The following PCDH15 variants were observed in gnomAD, a reference collection of about 807,000 sequenced individuals.
The protein encoded by PCDH15 is protocadherin-15.
In PCDH15, 129 loss-of-function variants were observed where a neutral mutation model predicts 178.5. The observed-to-expected ratio is 0.72, with a 90% confidence interval of 0.63 to 0.84. The LOEUF (loss-of-function observed/expected upper bound fraction) is 0.84. Among genes scored for constraint, PCDH15 ranks in the 40% least tolerant of loss-of-function variants. PCDH15 has a pLI of 0.00. For synonymous variants in PCDH15, 800 were observed against 732.0 expected (o/e 1.09, Z -1.50); for missense variants, 2,230 against 2,099.9 (o/e 1.06, Z -1.21).
chr10:55,519,648 A>C, intron 2 of PCDH15, among the ~76,000 whole-genome samples: 1 of 152,068 alleles, frequency 6.6e-6, no homozygotes, highest in East Asian at 1.9e-4. Flanking sequence ...AAAAAATAAA[A>C]GTACATTTAT....
At chr10:54,574,564 G>A (rs10430478) in intron 2 of PCDH15, among the ~76,000 whole-genome samples, 65,431 of 144,008 alleles carry the variant, frequency 0.45, 15,396 homozygotes, top group East Asian at 0.76. Flanking sequence ...CATCATCACT[G>A]GCCATCAGAG....
In PCDH15 at chr10:55,599,866, T is replaced by C. The variant is rs557581243; in HGVS notation, c.-156+27759A>G. 8.6e-6 allele frequency: 12 copies of C among 1,394,962 alleles called. No individual in the cohort carries two copies. In the East Asian group the frequency reaches 3.1e-4, roughly 36 times the overall value. The allele number at this position is 1,394,962 out of a possible 1,614,324, so 86.4% of individuals were successfully genotyped here. Reference sequence around the variant, plus strand: ...GTATCCTGAACTTGCAAAGGTAGCATAATCACTTGTTCCCTAAGTAGGGAC... The same window carrying C: ...GTATCCTGAACTTGCAAAGGTAGCACAATCACTTGTTCCCTAAGTAGGGAC... On this transcript the variant is annotated intron_variant, in intron 2 of 5. Transcript: ENST00000613346.
At chr10:54,958,613 A>C (rs1358442056) in intron 2 of PCDH15, among the ~76,000 whole-genome samples, 1 of 151,892 alleles carries the variant, frequency 6.6e-6, no homozygotes, top group East Asian at 1.9e-4. Context: ...AGCTGAAGAA[A>C]ACAATTATAT....
chr10:55,340,720 T>TC (rs1418850093), intron 2 of PCDH15, among the ~76,000 whole-genome samples: 1 of 152,080 alleles, frequency 6.6e-6, no homozygotes, highest in Admixed American at 6.6e-5. Context: ...AAATATTTTA[T>TC]ATTTTATTAA....
intron 1 of PCDH15, among the ~76,000 whole-genome samples, chr10:55,185,864 A>T (rs1045366522): frequency 6.6e-6 from 1 of 151,746 alleles, no homozygotes; most frequent in African/African-American, 2.4e-5. Flanking sequence ...TACCTGTAAA[A>T]CTGTTTGGAT....
intron 32 of PCDH15, chr10:53,821,528 A>ATGAT (rs1588921843): frequency 9.3e-7 from 1 of 1,070,218 alleles, no homozygotes; most frequent in East Asian, 7.1e-5. Flanking sequence ...CTGCATCCAC[A>ATGAT]TGATAGACAT....
chr10:54,586,727 C>T (rs1436369103), intron 2 of PCDH15, among the ~76,000 whole-genome samples: 1 of 152,148 alleles, frequency 6.6e-6, no homozygotes, highest in East Asian at 1.9e-4. Context: ...TTACCCAGCT[C>T]AAGCGATTCT....
chr10:54,683,634 AG>A (rs1459258327), intron 1 of PCDH15, among the ~76,000 whole-genome samples: 2 of 152,136 alleles, frequency 1.3e-5, no homozygotes, highest in Non-Finnish European at 2.9e-5. Flanking sequence ...ATTGGACAGA[AG>A]CTGAGCATGA....
intron 1 of PCDH15, among the ~76,000 whole-genome samples, chr10:55,201,982 T>A (rs571994394): frequency 6.6e-6 from 1 of 152,274 alleles, no homozygotes; most frequent in Non-Finnish European, 1.5e-5. Flanking sequence ...GATAAACTGC[T>A]TGTAGTAATT....
intron 17 of PCDH15, among the ~76,000 whole-genome samples, chr10:54,067,487 T>C (rs11004030): frequency 0.21 from 32,026 of 151,986 alleles, 3,551 homozygotes; most frequent in Non-Finnish European, 0.25. Context: ...CTACCAGTAG[T>C]GTGTGCTACC....
intron 3 of PCDH15, among the ~76,000 whole-genome samples, chr10:54,841,008 G>A (rs928949081): frequency 6.6e-5 from 10 of 151,828 alleles, no homozygotes; most frequent in Admixed American, 5.3e-4. Context: ...TTTCCATACT[G>A]GATAGATCAT....
At chr10:55,174,263 A>G (rs1015702200) in intron 1 of PCDH15, among the ~76,000 whole-genome samples, 5 of 152,162 alleles carry the variant, frequency 3.3e-5, no homozygotes, top group Non-Finnish European at 7.4e-5. Context: ...CTAGGCAGAA[A>G]GGACTCAGGG....
At chr10:53,827,639 C>T in intron 31 of PCDH15, 91 bp from the exon 32 acceptor site, 1 of 1,420,552 alleles carries the variant, frequency 7.0e-7, no homozygotes. Flanking sequence ...GTCCAGTTAT[C>T]AGGGGAACCC....
intron 5 of PCDH15, among the ~76,000 whole-genome samples, chr10:54,357,705 A>G (rs1203655301): frequency 1.3e-5 from 2 of 152,216 alleles, no homozygotes; most frequent in East Asian, 1.9e-4. Flanking sequence ...TGCATCGCCA[A>G]GTCAATCCTA....
chr10:54,485,474 A>G (rs566063087), intron 3 of PCDH15, among the ~76,000 whole-genome samples: 3 of 152,122 alleles, frequency 2.0e-5, no homozygotes, highest in African/African-American at 7.2e-5. Flanking sequence ...AGAGCAAAGT[A>G]TAATTGCATA....
chr10:54,611,412 T>C (rs970153036), intron 2 of PCDH15, among the ~76,000 whole-genome samples: 2 of 151,886 alleles, frequency 1.3e-5, no homozygotes, highest in East Asian at 1.9e-4. Context: ...TGTTAGCATG[T>C]GCTGTAAAAA....
At chr10:54,107,710 C>T (rs2094942162) in intron 15 of PCDH15, among the ~76,000 whole-genome samples, 1 of 152,048 alleles carries the variant, frequency 6.6e-6, no homozygotes, top group South Asian at 2.1e-4. Context: ...TGATATCAGG[C>T]TATCTGGGCT....
chr10:54,262,850 A>G (rs1377465972), intron 8 of PCDH15, among the ~76,000 whole-genome samples: 1 of 151,916 alleles, frequency 6.6e-6, no homozygotes, highest in African/African-American at 2.4e-5. Flanking sequence ...GTGGGAGCAG[A>G]TGGCTTGGGG....
intron 1 of PCDH15, among the ~76,000 whole-genome samples, chr10:55,174,791 A>C (rs868377992): frequency 1.3e-5 from 2 of 152,312 alleles, no homozygotes; most frequent in Middle Eastern, 3.4e-3. Context: ...AGTGGGTCCC[A>C]GCCTCACTCA....
Sources: allele counts gnomAD v4.1 joint callset (sites outside exome capture counted in the v4.1 genomes callset), GRCh38; gene constraint gnomAD v4.1.1; transcripts MANE v1.5; gene names NCBI Gene and HGNC (gene_info 2026-07-23, HGNC 2026-07-21).